CLRN3: variants seen among roughly 807,000 people sequenced by gnomAD.
CLRN3 encodes clarin-3.
CLRN3 carries 12 observed loss-of-function variants against 16.7 expected under a neutral mutation model. The observed-to-expected ratio is 0.72, with a 90% confidence interval of 0.46 to 1.16. The LOEUF (loss-of-function observed/expected upper bound fraction) is 1.16, where lower values mean the gene tolerates loss of function less well. Among genes scored for constraint, CLRN3 ranks in the 50% most tolerant of loss-of-function variants. The pLI is 0.00. For synonymous variants in CLRN3, 118 were observed against 113.0 expected (o/e 1.04, Z -0.28); for missense variants, 296 against 274.2 (o/e 1.08, Z -0.56).
intron 1 of CLRN3, among the ~76,000 whole-genome samples, chr10:127,890,862 C>CTTT (rs1845249889): frequency 1.3e-5 from 2 of 152,146 alleles, no homozygotes; most frequent in African/African-American, 4.8e-5. Context: ...TGTTCAAGCC[C>CTTT]AGCGATTATT....
chr10:127,882,363 T>C (rs927446078), intron 2 of CLRN3, among the ~76,000 whole-genome samples: 2 of 152,236 alleles, frequency 1.3e-5, no homozygotes, highest in African/African-American at 4.8e-5. Context: ...GGTCCACCTG[T>C]AGTCCTGGCT....
intron 2 of CLRN3, among the ~76,000 whole-genome samples, chr10:127,880,282 G>A (rs1845112478): frequency 6.6e-6 from 1 of 152,118 alleles, no homozygotes; most frequent in African/African-American, 2.4e-5. Context: ...CTAGAACTTT[G>A]ATTTGAATGG....
chr10:127,883,725 G>A lies in CLRN3; in HGVS notation c.380C>T (p.Thr127Met), dbSNP rs78331816. The A allele has an allele frequency of 7.3e-4, 1,183 of 1,613,646 alleles. 1 individual carries two copies. The highest frequency in any genetic ancestry group is 9.4e-4 in the Non-Finnish European group (1,111 of 1,179,712). ...SNPYQTFLGP[T>M]GVYTWNGLGA... Reference sequence around the variant, plus strand: ...GAGCCCGTTCCAGGTGTACACCCCCGTCGGCCCCAGGAATGTCTGGTAAGG... The same window carrying A: ...GAGCCCGTTCCAGGTGTACACCCCCATCGGCCCCAGGAATGTCTGGTAAGG... Residue 127 changes from threonine (T) to methionine (M), a missense_variant, in exon 2 of 3, where the codon ACG (threonine) becomes ATG (methionine). Physicochemically the swap from Thr to Met is moderately conservative, Grantham distance 81. Transcript: ENST00000368671.
intron 1 of CLRN3, among the ~76,000 whole-genome samples, chr10:127,887,020 T>C (rs539662216): frequency 6.6e-6 from 1 of 152,352 alleles, no homozygotes; most frequent in South Asian, 2.1e-4. Flanking sequence ...GGACCTTTTT[T>C]TCCATCCCTG....
rs1174014807 is a variant in CLRN3 at position 127,878,291 on chromosome 10, G to A, written c.539C>T (p.Ser180Leu). The A allele has an allele frequency of 9.3e-6, 15 of 1,614,182 alleles. No individual in the cohort carries two copies. Among genetic ancestry groups the A allele is most frequent in the Non-Finnish European group, 1.3e-5 (15 of 1,180,034 alleles). The change falls in exon 3 of 3, where the codon TCG becomes TTG. Residue 180 changes from serine (S) to leucine (L), a missense_variant. Coordinates refer to ENST00000368671, the MANE Select transcript of CLRN3 (RefSeq NM_152311.5). ...AATGACGAGCAGTATGAGCCAGAAC[G>A]AGTATCCGTAACTGTGGGTCGTTCC... The part of the protein sequence containing the change: ...SKGTTHSYGY[S>L]FWLILLVILL...
chr10:127,885,765 T>A (rs1845186513), intron 1 of CLRN3, among the ~76,000 whole-genome samples: 1 of 152,122 alleles, frequency 6.6e-6, no homozygotes, highest in Non-Finnish European at 1.5e-5. Context: ...TTTAAAATTT[T>A]TTTTTTTGAG....
chr10:127,891,502 A>G (rs1845257568), intron 1 of CLRN3, among the ~76,000 whole-genome samples: 1 of 152,246 alleles, frequency 6.6e-6, no homozygotes, highest in South Asian at 2.1e-4. Flanking sequence ...GCTGAGGTTG[A>G]CACCAGAGGA....
intron 1 of CLRN3, among the ~76,000 whole-genome samples, chr10:127,886,620 G>C (rs149243130): frequency 6.6e-6 from 1 of 152,208 alleles, no homozygotes; most frequent in Non-Finnish European, 1.5e-5. Context: ...ATGTGGATAC[G>C]CCTCACAGCG....
intron 2 of CLRN3, among the ~76,000 whole-genome samples, chr10:127,879,728 C>A (rs1318067434): frequency 1.3e-5 from 2 of 152,078 alleles, no homozygotes; most frequent in Admixed American, 6.5e-5. Context: ...TACAAAAAAC[C>A]ATGGAATTGT....
intron 1 of CLRN3, 71 bp downstream of exon 1, chr10:127,892,485 G>T: frequency 1.1e-6 from 1 of 878,980 alleles, no homozygotes; most frequent in Non-Finnish European, 1.9e-6. Flanking sequence ...ATGGTTATTT[G>T]GCCCAAATAT....
chr10:127,882,519 C>A (rs1845140975), intron 2 of CLRN3, among the ~76,000 whole-genome samples: 1 of 152,218 alleles, frequency 6.6e-6, no homozygotes, highest in African/African-American at 2.4e-5. Flanking sequence ...ATTCCAATCA[C>A]CAGGGCTTTT....
chr10:127,889,592 C>T (rs1845235534), intron 1 of CLRN3, among the ~76,000 whole-genome samples: 1 of 152,164 alleles, frequency 6.6e-6, no homozygotes, highest in Admixed American at 6.5e-5. Flanking sequence ...CCACTGCACT[C>T]CAGTCTGGGT....
intron 1 of CLRN3, among the ~76,000 whole-genome samples, chr10:127,887,021 T>C (rs1337003423): frequency 1.3e-5 from 2 of 152,222 alleles, no homozygotes; most frequent in Admixed American, 6.5e-5. Flanking sequence ...GACCTTTTTT[T>C]CCATCCCTGA....
At chr10:127,889,814 T>G (rs1845238675) in intron 1 of CLRN3, among the ~76,000 whole-genome samples, 1 of 152,216 alleles carries the variant, frequency 6.6e-6, no homozygotes. Context: ...ACAGAGCACA[T>G]TGTGCTTCCG....
rs1845076871 is a variant in CLRN3, at chr10:127,877,892, A to G, written c.*257T>C. 2.1e-6 allele frequency: 1 copy of G among 465,518 alleles called. No individual in the cohort carries two copies. Among genetic ancestry groups the G allele is most frequent in the South Asian group, 2.5e-5 (1 of 39,430 alleles). 28.8% of individuals were successfully genotyped at this position (465,518 alleles called of 1,614,324 possible). A position where few individuals can be genotyped will look rare whatever the true frequency, so the allele number is the denominator to read the frequency against. On this transcript the variant is annotated 3_prime_UTR_variant, in exon 3 of 3. Coordinates refer to ENST00000368671, the MANE Select transcript of CLRN3 (RefSeq NM_152311.5). ...TTATTTCAGATCGTGAGACCAGGTC[A>G]GAAGGGTCGTTACGCTCATCATGAT...
Position 127,878,384 on chromosome 10 carries a change from G to T in CLRN3, c.446C>A (p.Ala149Glu). ...GGAGAGTTGGTTGGACTGCGTGTTC[G>T]CCACAAACAGTATCATGGTCACAAA... ...FVFVTMILFV[A>E]NTQSNQLSEE... The change falls in exon 3 of 3, where the codon GCG (alanine) becomes GAG (glutamate). Residue 149 changes from alanine to glutamate, a missense_variant. By Grantham distance (107) the Ala-to-Glu change is moderately radical. Coordinates refer to ENST00000368671, the MANE Select transcript of CLRN3 (RefSeq NM_152311.5). The T allele has an allele frequency of 1.2e-6, 2 of 1,614,162 alleles. No homozygotes were observed. Among genetic ancestry groups the T allele is most frequent in the Non-Finnish European group, 1.7e-6 (2 of 1,180,032 alleles).
At chr10:127,879,931 T>C (rs1845107754) in intron 2 of CLRN3, among the ~76,000 whole-genome samples, 1 of 152,154 alleles carries the variant, frequency 6.6e-6, no homozygotes, top group Non-Finnish European at 1.5e-5. Flanking sequence ...TGAGACTCCG[T>C]CTGCCGCCAT....
intron 1 of CLRN3, among the ~76,000 whole-genome samples, chr10:127,891,334 AAAAAAAACT>A (rs1388397391): frequency 6.6e-6 from 1 of 151,798 alleles, no homozygotes; most frequent in African/African-American, 2.4e-5. Context: ...TATGGAAACC[AAAAAAAACT>A]GTAGGTTTTG....
rs1355925757 is a variant in CLRN3, at chr10:127,883,848, T to C, written c.257A>G (p.Gln86Arg). The C allele has an allele frequency of 6.2e-7, 1 of 1,614,082 alleles. No individual in the cohort carries two copies. Among genetic ancestry groups the C allele is most frequent in the African/African-American group, 1.3e-5 (1 of 74,928 alleles). Residue 86 changes from glutamine to arginine, a missense_variant, in exon 2 of 3, where the codon CAA (glutamine) becomes CGA (arginine). Physicochemically the swap from Gln to Arg is conservative, Grantham distance 43 (BLOSUM62 1). Coordinates refer to ENST00000368671, the MANE Select transcript of CLRN3 (RefSeq NM_152311.5). ...AVLEILNNSS[Q>R]KTLHSVTILF... ...GATAGTCACCGAATGCAGAGTTTTT[T>C]GGGAAGAATTATTCAGTATCTCTAA...
Sources: allele counts gnomAD v4.1 joint callset (sites outside exome capture counted in the v4.1 genomes callset), GRCh38; gene constraint gnomAD v4.1.1; transcripts MANE v1.5; gene names NCBI Gene and HGNC (gene_info 2026-07-23, HGNC 2026-07-21).